The following TSC2 variants were observed in gnomAD, a reference collection of about 807,000 sequenced individuals.
TSC2 encodes TSC complex subunit 2.
TSC2 carries 29 observed loss-of-function variants against 202.2 expected under a neutral mutation model. The ratio of observed to expected loss-of-function variants is 0.14; its 90% CI spans 0.11 to 0.20. The LOEUF is 0.20. Among genes scored for constraint, TSC2 ranks in the 10% least tolerant of loss-of-function variants. The pLI is 1.00. For synonymous variants in TSC2, 1,349 were observed against 1,044.0 expected (o/e 1.29, Z -5.63); for missense variants, 2,429 against 2,420.0 (o/e 1.00, Z -0.08).
intron 32 of TSC2, 52 bp downstream of exon 32, chr16:2,082,556 T>C (rs758978539): frequency 1.3e-6 from 2 of 1,593,362 alleles, no homozygotes; most frequent in South Asian, 1.1e-5. Context: ...CTCTGCCTCA[T>C]AGGTGCTGTG....
At chr16:2,057,718 C>T (rs1017393056) in intron 9 of TSC2, among the ~76,000 whole-genome samples, 4 of 152,160 alleles carry the variant, frequency 2.6e-5, no homozygotes, top group East Asian at 1.9e-4. Flanking sequence ...TGGTTCCCAG[C>T]GCCCTTGGGA....
At chr16:2,064,015 T>C in intron 14 of TSC2, 1 of 559,776 alleles carries the variant, frequency 1.8e-6, no homozygotes, top group Non-Finnish European at 3.2e-6. Flanking sequence ...TCCTTGTGAG[T>C]TGTGGGCCCC....
rs747310967 is a variant in TSC2 at position 2,058,791 on chromosome 16, T to C, written c.893T>C (p.Phe298Ser). The change falls in exon 10 of 42, where the codon TTT (phenylalanine) becomes TCT (serine). Residue 298 changes from phenylalanine (F) to serine (S), a missense_variant. Physicochemically the swap from Phe to Ser is radical, Grantham distance 155 (BLOSUM62 -2). Coordinates refer to ENST00000219476, the MANE Select transcript of TSC2 (RefSeq NM_000548.5). ...DAPLLRGAVFFVGMALWGAHR... is the reference protein window; with the variant it reads ...DAPLLRGAVFSVGMALWGAHR... ...CCCCTGCTGAGAGGAGCCGTGTTTT[T>C]TGTGGGCATGGCTCTCTGGGGAGCC... 8 of 1,595,922 alleles carry C rather than the reference T, an allele frequency of 5.0e-6. No individual in the cohort carries two copies. In the Admixed American group the frequency reaches 7.0e-5, roughly 14 times the overall value.
rs1403383726 is a variant in TSC2 at position 2,088,634 on chromosome 16, TGGCCTTGGACG to T, written c.*26_*36del. 13 of 1,594,804 alleles carry T rather than the reference TGGCCTTGGACG, an allele frequency of 8.2e-6. No homozygotes were observed. Among genetic ancestry groups the T allele is most frequent in the Non-Finnish European group, 1.0e-5 (12 of 1,177,412 alleles). On this transcript the variant is annotated 3_prime_UTR_variant, in exon 42 of 42. Transcript: ENST00000219476. The stretch of plus-strand genomic sequence containing the variant: ...GAGGCCGGGGCCCTCCCTCCTGCAC[TGGCCTTGGACG>T]GTATTGCCTGTCAGTGAAATAAATA...
Position 2,080,173 on chromosome 16 carries a change from G to A in TSC2, c.3406G>A (p.Gly1136Ser), listed in dbSNP as rs2089953185. 2 of 1,612,950 alleles carry A rather than the reference G, an allele frequency of 1.2e-6. No individual in the cohort carries two copies. The highest frequency in any genetic ancestry group is 1.7e-6 in the Non-Finnish European group (2 of 1,179,984). The change falls in exon 30 of 42, where the codon GGT (glycine) becomes AGT (serine). Residue 1136 changes from glycine to serine, a missense_variant. Gly to Ser is a moderately conservative substitution (Grantham distance 56). Transcript: ENST00000219476. The part of the protein sequence containing the change: ...DRVRSMSGGH[G>S]LRVGALDVPA... ...TCTGCCCTCTTCTTCAGGGGGCCAT[G>A]GTCTTCGAGTTGGCGCCCTGGACGT...
At position 2,082,453 on chromosome 16, in the gene TSC2, C is replaced by T. The variant is rs374146919; in HGVS notation, c.3832C>T (p.Leu1278=). 27 of 1,612,458 alleles carry T rather than the reference C, an allele frequency of 1.7e-5. No individual in the cohort carries two copies. In the African/African-American group the frequency reaches 3.3e-4, roughly 20 times the overall value. The change falls in exon 32 of 42, where the codon CTG becomes TTG. Residue 1278 remains leucine, a synonymous_variant. Transcript: ENST00000219476. ...CCTTGCAGTGGCCTCTTTCTCCTCCCTGTACCAGTCCAGCTGCCAAGGACA... is the reference window on the plus strand; with the variant it reads ...CCTTGCAGTGGCCTCTTTCTCCTCCTTGTACCAGTCCAGCTGCCAAGGACA... ...RSNTVASFSS[L]YQSSCQGQLH...
rs778247396 is a variant in TSC2, at chr16:2,063,014, G to T, written c.1404G>T (p.Val468=). 1 of 1,551,460 alleles carries T rather than the reference G, an allele frequency of 6.4e-7. No homozygotes were observed. The highest frequency in any genetic ancestry group is 8.7e-7 in the Non-Finnish European group (1 of 1,146,920). ...RGAVRIKVLD[V]LSFVLLINRQ... ...CCGTGCGCATCAAGGTGCTGGACGT[G>T]CTGTCCTTTGTGCTGCTCATCAACA... The change falls in exon 14 of 42, where the codon GTG becomes GTT. Residue 468 remains valine, a synonymous_variant. Coordinates refer to ENST00000219476, the MANE Select transcript of TSC2 (RefSeq NM_000548.5).
chr16:2,088,211 CT>C lies in TSC2; in HGVS notation c.5161-15del. 1.9e-6 allele frequency: 3 copies of C among 1,613,096 alleles called. No homozygotes were observed. Among genetic ancestry groups the C allele is most frequent in the East Asian group, 2.2e-5 (1 of 44,890 alleles). On this transcript the variant is annotated splice_polypyrimidine_tract_variant and intron_variant, in intron 40 of 41. Coordinates refer to ENST00000219476, the MANE Select transcript of TSC2 (RefSeq NM_000548.5). ...TGCCACCTGATAGTGAGCTCACCCC[CT>C]GCCTACGTCCCCAGATGGCCTCACA...
Position 2,081,646 on chromosome 16 carries a change from C to G in TSC2, c.3662C>G (p.Ser1221Trp). 1 of 1,612,956 alleles carries G rather than the reference C, an allele frequency of 6.2e-7. No homozygotes were observed. The highest frequency in any genetic ancestry group is 1.6e-4 in the Middle Eastern group (1 of 6,062). The change falls in exon 31 of 42, where the codon TCG becomes TGG. Residue 1221 changes from serine (S) to tryptophan (W), a missense_variant. Ser to Trp is a radical substitution (Grantham distance 177). Coordinates refer to ENST00000219476, the MANE Select transcript of TSC2 (RefSeq NM_000548.5). ...SLENPLSPFS[S>W]DINNMPLQEL... ...GAGAACCCGCTCAGCCCTTTCTCCT[C>G]GGACATCAACAACATGCCCCTGCAG... is the stretch of plus-strand genomic sequence containing the variant.
At chr16:2,077,947 G>A (rs912909519) in intron 26 of TSC2, among the ~76,000 whole-genome samples, 4 of 152,222 alleles carry the variant, frequency 2.6e-5, no homozygotes, top group Admixed American at 1.3e-4. Context: ...CCCTCGGGGT[G>A]CCGCTCCGAG....
At chr16:2,048,872 G>C in intron 2 of TSC2, 119 bp downstream of exon 2, 1 of 1,436,958 alleles carries the variant, frequency 7.0e-7, no homozygotes, top group Non-Finnish European at 9.7e-7. Context: ...CAGGAATGCT[G>C]TCTCCAGTAC....
chr16:2,064,013 A>C, intron 14 of TSC2: 1 of 557,936 alleles, frequency 1.8e-6, no homozygotes, highest in Non-Finnish European at 3.2e-6. Context: ...GCTCCTTGTG[A>C]GTTGTGGGCC....
rs1225652518 is a variant in TSC2 at position 2,079,701 on chromosome 16, G to A, written c.3397+32G>A. Reference sequence around the variant, plus strand: ...CTTGGCCCCAGCCACCTCCACACAGGCACCGGGGCTCCCTCAGTTGCTGCT... The same window carrying A: ...CTTGGCCCCAGCCACCTCCACACAGACACCGGGGCTCCCTCAGTTGCTGCT... On this transcript the variant is annotated intron_variant, in intron 29 of 41. Coordinates refer to ENST00000219476, the MANE Select transcript of TSC2 (RefSeq NM_000548.5). This position sits in a 1 kb window ranked among gnomAD's most constrained non-coding sequence, Gnocchi z 4.6. 1.9e-6 allele frequency: 3 copies of A among 1,546,190 alleles called. No homozygotes were observed. Among genetic ancestry groups the A allele is most frequent in the South Asian group, 1.2e-5 (1 of 84,546 alleles).
chr16:2,074,599 T>C (rs1260933985), intron 22 of TSC2: 3 of 632,190 alleles, frequency 4.7e-6, no homozygotes, highest in African/African-American at 3.6e-5. Context: ...CTAGTGTCCA[T>C]GTGAACGCTC....
At chr16:2,058,628 C>A in intron 9 of TSC2, 119 bp from the exon 10 acceptor site, 2 of 1,455,358 alleles carry the variant, frequency 1.4e-6, no homozygotes, top group Non-Finnish European at 1.9e-6. Flanking sequence ...GTGCTCCTGC[C>A]CCCCCCAAGC....
At chr16:2,048,874 C>G in intron 2 of TSC2, 121 bp downstream of exon 2, 2 of 1,425,216 alleles carry the variant, frequency 1.4e-6, no homozygotes, top group Non-Finnish European at 2.0e-6. Flanking sequence ...GGAATGCTGT[C>G]TCCAGTACTT....
rs1222749825 is a variant in TSC2 at position 2,088,868 on chromosome 16, CGCGT to C, written c.*262_*265del. 5.0e-5 allele frequency: 26 copies of C among 522,766 alleles called. 1 individual carries two copies. Among genetic ancestry groups the C allele is most frequent in the African/African-American group, 4.5e-4 (22 of 49,388 alleles). The allele number at this position is 522,766 out of a possible 1,614,324, so 32.4% of individuals were successfully genotyped here. A position where few individuals can be genotyped will look rare whatever the true frequency, so the allele number is the denominator to read the frequency against. On this transcript the variant is annotated 3_prime_UTR_variant, in exon 42 of 42. Transcript: ENST00000219476. ...CTGCCTGGGCCATACAGCACACTCG[CGCGT>C]GCGCGCGCGCACACACACACACACA... is the stretch of plus-strand genomic sequence containing the variant.
At position 2,088,110 on chromosome 16, in the gene TSC2, G is replaced by C. The variant is rs139779505; in HGVS notation, c.5131G>C (p.Val1711Leu). 3.1e-6 allele frequency: 5 copies of C among 1,612,958 alleles called. No homozygotes were observed. The highest frequency in any genetic ancestry group is 2.2e-5 in the East Asian group (1 of 44,886). Residue 1711 changes from valine (V) to leucine (L), a missense_variant, in exon 40 of 42, where the codon GTG becomes CTG. Coordinates refer to ENST00000219476, the MANE Select transcript of TSC2 (RefSeq NM_000548.5). The stretch of plus-strand genomic sequence containing the variant: ...CGTGTCTGACCGCAACCTGCCCTTC[G>C]TGGCCCGCCAGATGGCCCTGCACGC... ...KIVSDRNLPF[V>L]ARQMALHANM...
Position 2,054,149 on chromosome 16 carries a change from C to T in TSC2, c.337-147C>T. 8.6e-6 allele frequency: 11 copies of T among 1,285,580 alleles called. No individual in the cohort carries two copies. In the South Asian group the frequency reaches 1.2e-4, roughly 14 times the overall value. The allele number at this position is 1,285,580 out of a possible 1,614,324, so 79.6% of individuals were successfully genotyped here. ...CCCCCTGCCCTGTACAATGCTGATG[C>T]TGCAGACCTGTCTCTTGCAGGGCGC... On this transcript the variant is annotated intron_variant, in intron 4 of 41. Transcript: ENST00000219476.
Sources: gnomAD v4.1 joint callset for allele counts (sites outside exome capture counted in the v4.1 genomes callset) on GRCh38, gnomAD v4.1.1 for gene constraint, Gnocchi (gnomAD v3.1) non-coding constraint, MANE v1.5 for transcripts, NCBI Gene and HGNC (gene_info 2026-07-23, HGNC 2026-07-21) for gene names.